CCNYL1: variants seen among roughly 807,000 people sequenced by gnomAD.
The protein encoded by CCNYL1 is cyclin Y like 1, also known as cyclin-Y-like protein 1.
In CCNYL1, 16 loss-of-function variants were observed where a neutral mutation model predicts 44.2. The ratio of observed to expected loss-of-function variants is 0.36; its 90% CI spans 0.25 to 0.55. The LOEUF is 0.55. Among genes scored for constraint, CCNYL1 ranks in the 20% least tolerant of loss-of-function variants. The pLI, the probability that CCNYL1 is intolerant of heterozygous loss-of-function variation, is 0.85. For missense variants in CCNYL1, 348 were observed against 451.8 expected, an observed-to-expected ratio of 0.77 and a Z score of 2.08; for synonymous variants, 159 against 163.2, an observed-to-expected ratio of 0.97 and a Z score of 0.20.
chr2:207,725,915 G>A (rs1575212410), intron 2 of CCNYL1, among the ~76,000 whole-genome samples: 1 of 152,206 alleles, frequency 6.6e-6, no homozygotes, highest in East Asian at 1.9e-4. Context: ...AAGAAGTGGG[G>A]GTTCTATAAT....
At chr2:207,736,406 G>A (rs2091764960) in intron 4 of CCNYL1, among the ~76,000 whole-genome samples, 1 of 152,130 alleles carries the variant, frequency 6.6e-6, no homozygotes, top group South Asian at 2.1e-4. Flanking sequence ...CAACATCTGT[G>A]GGTAATTTAG....
In CCNYL1 at chr2:207,733,949, A is replaced by G; in HGVS notation, c.333A>G (p.Val111=). 6.2e-7 allele frequency: 1 copy of G among 1,600,414 alleles called. No individual in the cohort carries two copies. The highest frequency in any genetic ancestry group is 8.6e-7 in the Non-Finnish European group (1 of 1,168,410). ...CTTCTATTTCCCTTCCCCTTCAGGT[A>G]TCTCCAGGGCAGCTTACTAAAAAGT... The part of the protein sequence containing the change: ...EKRKSNHLNH[V]SPGQLTKKYS... The change falls in exon 4 of 10, where the codon GTA becomes GTG. Residue 111 remains valine (V), a splice_region_variant and synonymous_variant. Transcript: ENST00000295414.
At chr2:207,719,777 G>T (rs1456425586) in intron 1 of CCNYL1, among the ~76,000 whole-genome samples, 1 of 151,958 alleles carries the variant, frequency 6.6e-6, no homozygotes, top group African/African-American at 2.4e-5. Flanking sequence ...TGCCGAGGCT[G>T]GAGTGCAGTG....
In CCNYL1 at chr2:207,747,061, G is replaced by C; in HGVS notation, c.654G>C (p.Arg218Ser). ...CAIVTLVYLE[R>S]LLTYAEIDIC... ...CTATTTTACAGGTTTACTTAGAAAG[G>C]CTTTTAACTTATGCTGAAATCGACA... Residue 218 changes from arginine to serine, a missense_variant, in exon 8 of 10, where the codon AGG becomes AGC. Around this residue, in one of 3 missense-constraint regions of CCNYL1, gnomAD observed 45 missense variants for 101.7 expected, o/e 0.44. Coordinates refer to ENST00000295414, the MANE Select transcript of CCNYL1 (RefSeq NM_001330218.2). 1 of 1,613,848 alleles carries C rather than the reference G, an allele frequency of 6.2e-7. No individual in the cohort carries two copies. The highest frequency in any genetic ancestry group is 8.5e-7 in the Non-Finnish European group (1 of 1,179,874).
At chr2:207,731,892 C>T (rs1575215275) in intron 3 of CCNYL1, among the ~76,000 whole-genome samples, 1 of 149,844 alleles carries the variant, frequency 6.7e-6, no homozygotes, top group African/African-American at 2.4e-5. Flanking sequence ...TCACTACAAC[C>T]TCCGCCTCCC....
chr2:207,738,950 G>A (rs1310517966), intron 5 of CCNYL1, among the ~76,000 whole-genome samples: 1 of 150,256 alleles, frequency 6.7e-6, no homozygotes, highest in Non-Finnish European at 1.5e-5. Flanking sequence ...GAATTCCTGA[G>A]CTCAAGCAAT....
chr2:207,719,182 T>C (rs764461404), intron 1 of CCNYL1, among the ~76,000 whole-genome samples: 3 of 152,228 alleles, frequency 2.0e-5, no homozygotes, highest in Non-Finnish European at 4.4e-5. Context: ...AAGTGCATAT[T>C]TGCTGAAGAT....
At chr2:207,724,230 C>T (rs2091663130) in intron 1 of CCNYL1, among the ~76,000 whole-genome samples, 1 of 152,208 alleles carries the variant, frequency 6.6e-6, no homozygotes, top group Non-Finnish European at 1.5e-5. Flanking sequence ...GAACACAGAA[C>T]TTCCATTCAG....
rs1443894654 is a variant in CCNYL1 at position 207,747,108 on chromosome 2, G to A, written c.701G>A (p.Arg234Lys). The A allele has an allele frequency of 1.2e-6, 2 of 1,613,986 alleles. No homozygotes were observed. The highest frequency in any genetic ancestry group is 1.7e-5 in the Admixed American group (1 of 59,996). ...EIDICPTNWKRIVLGAILLAS... is the reference protein window; with the variant it reads ...EIDICPTNWKKIVLGAILLAS... ...GACATTTGTCCCACCAACTGGAAAA[G>A]GATTGTTCTGGGAGCCATTCTTCTT... The change falls in exon 8 of 10, where the codon AGG (arginine) becomes AAG (lysine). Residue 234 changes from arginine (R) to lysine (K), a missense_variant. Coordinates refer to ENST00000295414, the MANE Select transcript of CCNYL1 (RefSeq NM_001330218.2).
chr2:207,718,036 C>G (rs1414243653), intron 1 of CCNYL1, among the ~76,000 whole-genome samples: 1 of 151,408 alleles, frequency 6.6e-6, no homozygotes. Context: ...TCCCGAGTAG[C>G]TGGGGCTACA....
At chr2:207,715,400 T>G (rs1267849983) in intron 1 of CCNYL1, among the ~76,000 whole-genome samples, 2 of 149,056 alleles carry the variant, frequency 1.3e-5, no homozygotes, top group Admixed American at 1.3e-4. Flanking sequence ...TTTTTTTTTT[T>G]TGACAGAGCT....
intron 7 of CCNYL1, among the ~76,000 whole-genome samples, chr2:207,745,239 GAGA>G (rs915114781): frequency 3.9e-5 from 6 of 152,332 alleles, no homozygotes; most frequent in South Asian, 2.1e-4. Context: ...ATCTCTGGCA[GAGA>G]AGGAGAAAGC....
At chr2:207,713,763 C>G (rs1457397538) in intron 1 of CCNYL1, among the ~76,000 whole-genome samples, 1 of 152,170 alleles carries the variant, frequency 6.6e-6, no homozygotes, top group Non-Finnish European at 1.5e-5. Context: ...CTAGGAACTA[C>G]TTTACTTACC....
intron 9 of CCNYL1, among the ~76,000 whole-genome samples, chr2:207,752,663 CA>C (rs1283486975): frequency 6.6e-6 from 1 of 152,108 alleles, no homozygotes; most frequent in Non-Finnish European, 1.5e-5. Context: ...CTGAAATGGA[CA>C]CATATTTTAA....
intron 1 of CCNYL1, among the ~76,000 whole-genome samples, chr2:207,721,400 A>G (rs1027644901): frequency 6.6e-6 from 1 of 152,240 alleles, no homozygotes; most frequent in African/African-American, 2.4e-5. Context: ...GCCTTTAGTA[A>G]TAATGCATTT....
intron 1 of CCNYL1, among the ~76,000 whole-genome samples, chr2:207,721,596 A>T (rs1253434786): frequency 1.3e-5 from 2 of 152,162 alleles, no homozygotes; most frequent in Non-Finnish European, 2.9e-5. Flanking sequence ...CCATCATACT[A>T]TCATGCTTTC....
intron 4 of CCNYL1, among the ~76,000 whole-genome samples, chr2:207,736,655 T>A (rs950143753): frequency 6.6e-6 from 1 of 152,168 alleles, no homozygotes; most frequent in African/African-American, 2.4e-5. Context: ...AACACTTTTA[T>A]TTACTTTAAG....
rs767108245 is a variant in CCNYL1, at chr2:207,754,440, CT to C, written c.*744del. 5 of 152,702 alleles carry C rather than the reference CT, an allele frequency of 3.3e-5. No individual in the cohort carries two copies. The highest frequency in any genetic ancestry group is 3.3e-4 in the Admixed American group (5 of 15,278). 9.5% of individuals were successfully genotyped at this position (152,702 alleles called of 1,614,324 possible). The stretch of plus-strand genomic sequence containing the variant: ...CTTCTCATTTTCTGATAATTTTTCT[CT>C]TGCTAAATAAATGTATTAAAAGATA... On this transcript the variant is annotated 3_prime_UTR_variant, in exon 10 of 10. Coordinates refer to ENST00000295414, the MANE Select transcript of CCNYL1 (RefSeq NM_001330218.2).
intron 7 of CCNYL1, among the ~76,000 whole-genome samples, chr2:207,743,213 G>C (rs2091825102): frequency 6.6e-6 from 1 of 152,188 alleles, no homozygotes; most frequent in African/African-American, 2.4e-5. Flanking sequence ...GGAACACTTA[G>C]CACATACTGT....
Sources: gnomAD v4.1 joint callset for allele counts (sites outside exome capture counted in the v4.1 genomes callset) on GRCh38, gnomAD v4.1.1 for gene constraint, gnomAD v4.1.1 regional missense constraint, MANE v1.5 for transcripts, NCBI Gene and HGNC (gene_info 2026-07-23, HGNC 2026-07-21) for gene names.